Variants in PBX1 observed in about 807,000 individuals in gnomAD.
PBX1 encodes pre-B-cell leukemia transcription factor 1.
PBX1 carries 6 observed loss-of-function variants against 53.4 expected under a neutral mutation model. The observed-to-expected ratio is 0.11, with a 90% CI of 0.06 to 0.22. PBX1 has a LOEUF of 0.22. Ranked by LOEUF, PBX1 falls within the 10% of genes least tolerant of loss-of-function variation. The pLI, the probability that PBX1 is intolerant of heterozygous loss-of-function variation, is 1.00. For synonymous variants in PBX1, 204 were observed against 212.3 expected, an observed-to-expected ratio of 0.96 and a Z score of 0.34; for missense variants, 251 against 551.4, an observed-to-expected ratio of 0.46 and a Z score of 5.46.
chr1:164,840,658 T>C (rs1368374217), intron 8 of PBX1, among the ~76,000 whole-genome samples: 3 of 152,170 alleles, frequency 2.0e-5, no homozygotes, highest in Non-Finnish European at 4.4e-5. Flanking sequence ...TCCTTCTCAA[T>C]TGCTTTCCCT....
chr1:164,779,105 G>A (rs1667812513), intron 2 of PBX1, among the ~76,000 whole-genome samples: 1 of 149,658 alleles, frequency 6.7e-6, no homozygotes, highest in Admixed American at 6.7e-5. Flanking sequence ...GTGCAGTGGC[G>A]CTATCTCGGC....
intron 2 of PBX1, among the ~76,000 whole-genome samples, chr1:164,734,022 T>C (rs1342733955): frequency 6.6e-6 from 1 of 152,214 alleles, no homozygotes; most frequent in Non-Finnish European, 1.5e-5. Flanking sequence ...GTACCAAATA[T>C]TGCTATGTTG....
Position 164,849,033 on chromosome 1 carries a change from T to C in PBX1, c.*2357T>C. 8.1e-7 allele frequency: 1 copy of C among 1,231,848 alleles called. No individual in the cohort carries two copies. The highest frequency in any genetic ancestry group is 1.0e-6 in the Non-Finnish European group (1 of 979,842). 76.3% of individuals were successfully genotyped at this position (1,231,848 alleles called of 1,614,324 possible). A position where few individuals can be genotyped will look rare whatever the true frequency, so the allele number is the denominator to read the frequency against. On this transcript the variant is annotated 3_prime_UTR_variant, in exon 9 of 9. Coordinates refer to ENST00000420696, the MANE Select transcript of PBX1 (RefSeq NM_002585.4). ...CATTTTTGTGACAACTTCATAGTGA[T>C]TAGAATCAGTGGAGAACTCCATCTT...
chr1:164,795,133 G>A (rs1668721489), intron 3 of PBX1, among the ~76,000 whole-genome samples: 2 of 152,172 alleles, frequency 1.3e-5, no homozygotes, highest in South Asian at 4.1e-4. Flanking sequence ...CCCAGGACAG[G>A]TATTGTCATC....
intron 2 of PBX1, chr1:164,651,750 A>T (rs2101923945): frequency 6.6e-6 from 1 of 152,410 alleles, no homozygotes; most frequent in South Asian, 2.1e-4. Flanking sequence ...GGTGACATCC[A>T]TGACTCACAG....
rs191150588 is a variant in PBX1 at position 164,743,654 on chromosome 1, T to A, written c.266-48840T>A. ...TCAGCCAAGCACATTAAAATAAAAT[T>A]AAAAAATGGTGGCTTAAACAAAGTC... is the stretch of plus-strand genomic sequence containing the variant. On this transcript the variant is annotated intron_variant, in intron 2 of 8. Transcript: ENST00000420696. Among the ~76,000 whole-genome samples the A allele has an allele frequency of 1.0e-3, 159 of 152,110 alleles. 2 individuals are homozygous for A. Among genetic ancestry groups the A allele is most frequent in the African/African-American group, 2.8e-3 (117 of 41,500 alleles).
intron 2 of PBX1, among the ~76,000 whole-genome samples, chr1:164,767,487 A>G (rs771203836): frequency 2.0e-5 from 3 of 152,080 alleles, no homozygotes; most frequent in African/African-American, 4.8e-5. Context: ...CAGGATATGG[A>G]TTGGATATGG....
intron 2 of PBX1, among the ~76,000 whole-genome samples, chr1:164,565,248 T>C (rs1455648282): frequency 6.6e-6 from 1 of 152,184 alleles, no homozygotes; most frequent in East Asian, 1.9e-4. Context: ...TTGGTCAAAG[T>C]AACATTCTAA....
intron 2 of PBX1, among the ~76,000 whole-genome samples, chr1:164,591,469 G>A (rs1655375753): frequency 6.6e-6 from 1 of 152,210 alleles, no homozygotes; most frequent in Admixed American, 6.5e-5. Flanking sequence ...AAGGAGCTCT[G>A]TAACTATATT....
At chr1:164,580,824 C>T (rs1227146333) in intron 2 of PBX1, among the ~76,000 whole-genome samples, 1 of 152,138 alleles carries the variant, frequency 6.6e-6, no homozygotes, top group African/African-American at 2.4e-5. Flanking sequence ...GGTGATCCAC[C>T]CTCCTCGACC....
chr1:164,627,810 T>C (rs10918052), intron 2 of PBX1, among the ~76,000 whole-genome samples: 1,922 of 152,338 alleles, frequency 0.013, 13 homozygotes, highest in Non-Finnish European at 0.02. Flanking sequence ...GTATTTTTTT[T>C]CTCCAGTGGG....
chr1:164,663,558 G>C (rs1375668404), intron 2 of PBX1, among the ~76,000 whole-genome samples: 1 of 152,164 alleles, frequency 6.6e-6, no homozygotes, highest in Non-Finnish European at 1.5e-5. Context: ...TCGACATGCT[G>C]TGTGTTCTTT....
At position 164,847,036 on chromosome 1, in the gene PBX1, A is replaced by G; in HGVS notation, c.*360A>G. 1 of 1,125,786 alleles carries G rather than the reference A, an allele frequency of 8.9e-7. No individual in the cohort carries two copies. Among genetic ancestry groups the G allele is most frequent in the Non-Finnish European group, 1.1e-6 (1 of 915,694 alleles). The allele number at this position is 1,125,786 out of a possible 1,614,324, so 69.7% of individuals were successfully genotyped here. ...TTAGAGGAATTTAAAGAGGAAAAAA[A>G]TTACAAAGAAAATAATAAAAGTGTT... is the stretch of plus-strand genomic sequence containing the variant. On this transcript the variant is annotated 3_prime_UTR_variant, in exon 9 of 9. Transcript: ENST00000420696.
At chr1:164,782,977 T>A (rs1668005033) in intron 2 of PBX1, among the ~76,000 whole-genome samples, 1 of 152,242 alleles carries the variant, frequency 6.6e-6, no homozygotes, top group Non-Finnish European at 1.5e-5. Context: ...TTATTTATTT[T>A]TTAATGGAAA....
intron 5 of PBX1, among the ~76,000 whole-genome samples, 157 bp downstream of exon 5, chr1:164,807,834 A>G (rs1669430106): frequency 1.3e-5 from 2 of 152,238 alleles, no homozygotes. Context: ...GTGTATGCGT[A>G]TAAGTGAGTT....
rs150256545 is a variant in PBX1, at chr1:164,697,670, G to T, written c.266-94824G>T. The stretch of plus-strand genomic sequence containing the variant: ...GACATCTTTAGCCACTTGGTGCCTT[G>T]AGGTCACCTTTACTTTTCCATCATC... On this transcript the variant is annotated intron_variant, in intron 2 of 8. Coordinates refer to ENST00000420696, the MANE Select transcript of PBX1 (RefSeq NM_002585.4). Among the ~76,000 whole-genome samples the T allele has an allele frequency of 1.0e-3, 159 of 152,324 alleles. 3 individuals carry two copies. The East Asian group carries it at 0.028, about 27-fold the overall frequency.
At chr1:164,757,280 C>T (rs1343167460) in intron 2 of PBX1, among the ~76,000 whole-genome samples, 2 of 152,240 alleles carry the variant, frequency 1.3e-5, no homozygotes, top group African/African-American at 4.8e-5. Flanking sequence ...AGTTCAATTT[C>T]AGAGTACTGA....
At chr1:164,722,132 C>T (rs958185208) in intron 2 of PBX1, among the ~76,000 whole-genome samples, 13 of 152,192 alleles carry the variant, frequency 8.5e-5, no homozygotes, top group Admixed American at 6.5e-4. Context: ...TTATAGATAT[C>T]TTCAGGGCCT....
In PBX1 at chr1:164,565,951, G is replaced by A. The variant is rs539503392; in HGVS notation, c.265+2640G>A. Among the ~76,000 whole-genome samples, 19 of 152,130 alleles carry A rather than the reference G, an allele frequency of 1.2e-4. No homozygotes were observed. In the East Asian group the frequency reaches 3.5e-3, roughly 28 times the overall value. On this transcript the variant is annotated intron_variant, in intron 2 of 8. Coordinates refer to ENST00000420696, the MANE Select transcript of PBX1 (RefSeq NM_002585.4). ...ATAATAATAGAGGTTACTTGATTTAGGGTGGGCTTTGTTTGTTTGTATTCT... is the reference window on the plus strand; with the variant it reads ...ATAATAATAGAGGTTACTTGATTTAAGGTGGGCTTTGTTTGTTTGTATTCT...
Sources: gnomAD v4.1 joint callset for allele counts (sites outside exome capture counted in the v4.1 genomes callset) on GRCh38, gnomAD v4.1.1 for gene constraint, MANE v1.5 for transcripts, NCBI Gene and HGNC (gene_info 2026-07-23, HGNC 2026-07-21) for gene names.